Variants in TTC27 observed in about 807,000 individuals in gnomAD.
TTC27 encodes tetratricopeptide repeat protein 27.
A neutral mutation model predicts 115.9 loss-of-function variants in TTC27; 79 were observed. The ratio of observed to expected loss-of-function variants is 0.68; its 90% CI spans 0.57 to 0.82. TTC27 has a LOEUF of 0.82. TTC27 is among the 40% of genes least tolerant of loss of function. The pLI is 0.00. For missense variants in TTC27, 1,054 were observed against 993.1 expected (o/e 1.06, Z -0.82); for synonymous variants, 401 against 356.0 (o/e 1.13, Z -1.42).
Position 32,659,214 on chromosome 2 carries a change from C to G in TTC27, c.641-5089C>G, listed in dbSNP as rs533534847. 2.0e-5 allele frequency among the ~76,000 whole-genome samples: 3 copies of G among 152,282 alleles called. No individual in the cohort carries two copies. In the East Asian group the frequency reaches 5.8e-4, roughly 29 times the overall value. Reference sequence around the variant, plus strand: ...CTCCTGGCTTCAAGCAATCTTTCCACCTAGGTCTTCCTAAGCACTTGGATT... The same window carrying G: ...CTCCTGGCTTCAAGCAATCTTTCCAGCTAGGTCTTCCTAAGCACTTGGATT... On this transcript the variant is annotated intron_variant, in intron 5 of 19. Coordinates refer to ENST00000317907, the MANE Select transcript of TTC27 (RefSeq NM_017735.5).
chr2:32,752,293 G>A (rs1259748501), intron 12 of TTC27, among the ~76,000 whole-genome samples: 1 of 152,238 alleles, frequency 6.6e-6, no homozygotes, highest in Non-Finnish European at 1.5e-5. Flanking sequence ...TGGGGACATA[G>A]TTAGGGGTAG....
intron 5 of TTC27, among the ~76,000 whole-genome samples, chr2:32,664,049 A>C (rs191817771): frequency 6.6e-6 from 1 of 151,988 alleles, no homozygotes; most frequent in South Asian, 2.1e-4. Context: ...GTTATGAATC[A>C]TATCTCCCAG....
Position 32,714,751 on chromosome 2 carries a change from G to T in TTC27, c.1233+11831G>T, listed in dbSNP as rs574072653. 1.4e-4 allele frequency among the ~76,000 whole-genome samples: 21 copies of T among 152,146 alleles called. No individual in the cohort carries two copies. The East Asian group carries it at 2.7e-3, about 20-fold the overall frequency. On this transcript the variant is annotated intron_variant, in intron 10 of 19. Coordinates refer to ENST00000317907, the MANE Select transcript of TTC27 (RefSeq NM_017735.5). ...CTTTTTTCCACAACCTCTTTAGCAT[G>T]TTATTTTGTGACTTTTTAATACCCA...
intron 15 of TTC27, among the ~76,000 whole-genome samples, chr2:32,783,191 A>T (rs1477273122): frequency 6.6e-6 from 1 of 152,216 alleles, no homozygotes; most frequent in African/African-American, 2.4e-5. Flanking sequence ...AAATAATCAT[A>T]CATGATACTT....
intron 15 of TTC27, among the ~76,000 whole-genome samples, chr2:32,785,128 A>G (rs193077108): frequency 3.3e-5 from 5 of 152,314 alleles, no homozygotes; most frequent in African/African-American, 1.2e-4. Flanking sequence ...TTTGGCTGAC[A>G]GTTATTTTCA....
chr2:32,781,902 A>G (rs1670190077), intron 14 of TTC27, among the ~76,000 whole-genome samples: 1 of 152,228 alleles, frequency 6.6e-6, no homozygotes, highest in Non-Finnish European at 1.5e-5. Context: ...GCTTTCTGGT[A>G]GTTATTCTTT....
intron 10 of TTC27, 35 bp from the exon 11 acceptor site, chr2:32,733,793 C>A (rs1159944366): frequency 1.5e-6 from 2 of 1,335,816 alleles, no homozygotes; most frequent in Admixed American, 1.9e-5. Context: ...ATAAGTTATA[C>A]ATATAGATTC....
intron 3 of TTC27, among the ~76,000 whole-genome samples, chr2:32,636,296 C>G (rs1280070187): frequency 1.3e-5 from 2 of 152,122 alleles, no homozygotes; most frequent in African/African-American, 2.4e-5. Flanking sequence ...TCACTGCAGT[C>G]TCTGCCTCCC....
chr2:32,700,805 G>T (rs1559212365), intron 9 of TTC27, among the ~76,000 whole-genome samples: 1 of 152,196 alleles, frequency 6.6e-6, no homozygotes, highest in African/African-American at 2.4e-5. Context: ...CTCCCAAAGT[G>T]CTGGGATTAC....
rs114099118 is a variant in TTC27 at position 32,778,141 on chromosome 2, A to C, written c.1779+161A>C. Among the ~76,000 whole-genome samples the C allele has an allele frequency of 9.4e-3, 1,430 of 152,324 alleles. 12 individuals carry two copies. The highest frequency in any genetic ancestry group is 0.024 in the Middle Eastern group (7 of 294). On this transcript the variant is annotated intron_variant, in intron 14 of 19. Coordinates refer to ENST00000317907, the MANE Select transcript of TTC27 (RefSeq NM_017735.5). ...GTATAGGATTTATAAATCTGGAAATAAGTTAATATTTCATGGTTTCATTTA... is the reference window on the plus strand; with the variant it reads ...GTATAGGATTTATAAATCTGGAAATCAGTTAATATTTCATGGTTTCATTTA...
chr2:32,773,592 C>G (rs1415947372), intron 13 of TTC27, among the ~76,000 whole-genome samples: 2 of 152,216 alleles, frequency 1.3e-5, no homozygotes, highest in Admixed American at 1.3e-4. Context: ...CGAACCTCTC[C>G]TCTGTCTGTG....
chr2:32,744,912 G>A (rs1459872412), intron 12 of TTC27, among the ~76,000 whole-genome samples: 1 of 151,906 alleles, frequency 6.6e-6, no homozygotes, highest in Non-Finnish European at 1.5e-5. Flanking sequence ...GCTGGGCATG[G>A]TGATGGGCAC....
chr2:32,740,125 A>C (rs976284986), intron 12 of TTC27, among the ~76,000 whole-genome samples: 24 of 152,190 alleles, frequency 1.6e-4, no homozygotes. Context: ...TTAGTATTTA[A>C]AGGTTATCCG....
intron 16 of TTC27, among the ~76,000 whole-genome samples, chr2:32,787,411 C>G (rs1490031882): frequency 6.6e-6 from 1 of 152,132 alleles, no homozygotes; most frequent in Non-Finnish European, 1.5e-5. Context: ...CATATATAGT[C>G]ACTTTGCAGA....
intron 3 of TTC27, among the ~76,000 whole-genome samples, chr2:32,638,423 G>A (rs542364598): frequency 1.2e-4 from 18 of 152,106 alleles, no homozygotes; most frequent in Admixed American, 2.6e-4. Flanking sequence ...CTGTCGCCCC[G>A]GCTGGAGTGC....
At chr2:32,749,604 G>C (rs935771125) in intron 12 of TTC27, among the ~76,000 whole-genome samples, 1 of 152,186 alleles carries the variant, frequency 6.6e-6, no homozygotes, top group Non-Finnish European at 1.5e-5. Flanking sequence ...TGGTTATTTT[G>C]TAGTGGAGGG....
intron 14 of TTC27, 73 bp downstream of exon 14, chr2:32,778,053 C>A: frequency 7.1e-7 from 1 of 1,417,094 alleles, no homozygotes; most frequent in Non-Finnish European, 9.9e-7. Context: ...CTGTATGGTT[C>A]AGAACAGCAA....
intron 13 of TTC27, among the ~76,000 whole-genome samples, chr2:32,762,892 G>A (rs557837023): frequency 9.2e-5 from 14 of 152,122 alleles, no homozygotes; most frequent in Non-Finnish European, 1.8e-4. Context: ...CGCCCGCCTC[G>A]GTCTCCCAAA....
At chr2:32,681,317 C>T (rs1231673740) in intron 9 of TTC27, among the ~76,000 whole-genome samples, 1 of 152,128 alleles carries the variant, frequency 6.6e-6, no homozygotes, top group East Asian at 1.9e-4. Context: ...TCAAATGAAA[C>T]ATACAAAATA....
Sources: gnomAD v4.1 joint callset for allele counts (sites outside exome capture counted in the v4.1 genomes callset) on GRCh38, gnomAD v4.1.1 for gene constraint, MANE v1.5 for transcripts, NCBI Gene and HGNC (gene_info 2026-07-23, HGNC 2026-07-21) for gene names.